The following CFAP61 variants were observed in gnomAD, a reference collection of about 807,000 sequenced individuals.
The protein encoded by CFAP61 is cilia and flagella associated protein 61.
A neutral mutation model predicts 135.6 loss-of-function variants in CFAP61; 107 were observed. The ratio of observed to expected loss-of-function variants is 0.79; its 90% CI spans 0.67 to 0.93. CFAP61 has a LOEUF of 0.93. Ranked by LOEUF, CFAP61 falls within the 40% of genes least tolerant of loss-of-function variation. The pLI is 0.00. For missense variants in CFAP61, 1,507 were observed against 1,556.2 expected (o/e 0.97, Z 0.53); for synonymous variants, 575 against 578.5 (o/e 0.99, Z 0.09).
In CFAP61 at chr20:20,345,883, C is replaced by CTTTT. The variant is rs756813997; in HGVS notation, c.3513+3988_3513+3991dup. On this transcript the variant is annotated intron_variant, in intron 26 of 26. Coordinates refer to ENST00000245957, the MANE Select transcript of CFAP61 (RefSeq NM_015585.4). ...GTTGTATTTAGCTGAGATTGTGCCACTTTTTTTTTTTTTTTTTTTTTTTTT... is the reference window on the plus strand; with the variant it reads ...GTTGTATTTAGCTGAGATTGTGCCACTTTTTTTTTTTTTTTTTTTTTTTTTTTTT... 4.5e-3 allele frequency among the ~76,000 whole-genome samples: 228 copies of CTTTT among 50,474 alleles called. 34 individuals carry two copies. Among genetic ancestry groups the CTTTT allele is most frequent in the South Asian group, 6.1e-3 (4 of 658 alleles). 33.1% of individuals were successfully genotyped at this position (50,474 alleles called of 152,430 possible).
At chr20:20,332,630 T>C (rs2122315267) in intron 25 of CFAP61, among the ~76,000 whole-genome samples, 1 of 152,324 alleles carries the variant, frequency 6.6e-6, no homozygotes, top group South Asian at 2.1e-4. Context: ...AATTCTTTTT[T>C]AAATTAAAAA....
intron 8 of CFAP61, among the ~76,000 whole-genome samples, chr20:20,117,248 G>A (rs2049214439): frequency 6.6e-6 from 1 of 152,154 alleles, no homozygotes; most frequent in South Asian, 2.1e-4. Flanking sequence ...GGAGGCTGAG[G>A]CAGGACAATC....
intron 6 of CFAP61, among the ~76,000 whole-genome samples, chr20:20,081,125 T>C (rs2046403361): frequency 6.6e-6 from 1 of 152,228 alleles, no homozygotes; most frequent in Non-Finnish European, 1.5e-5. Flanking sequence ...TTTAAATGAA[T>C]AAAATACTTG....
intron 6 of CFAP61, among the ~76,000 whole-genome samples, chr20:20,089,992 G>A (rs1479169163): frequency 6.6e-6 from 1 of 152,210 alleles, no homozygotes; most frequent in Non-Finnish European, 1.5e-5. Context: ...TCTTTAATAT[G>A]TAACTATGAA....
intron 8 of CFAP61, among the ~76,000 whole-genome samples, chr20:20,116,964 T>C (rs1343160413): frequency 2.0e-5 from 3 of 152,224 alleles, no homozygotes. Flanking sequence ...TTTGGCTTGC[T>C]AGTATTTTGC....
intron 8 of CFAP61, among the ~76,000 whole-genome samples, chr20:20,123,971 G>GTTTTTTTT (rs35528584): frequency 3.1e-5 from 2 of 65,268 alleles, no homozygotes; most frequent in Non-Finnish European, 5.7e-5. Context: ...ATATTCCTAA[G>GTTTTTTTT]TTTTTTTTTT....
chr20:20,174,723 G>T (rs1402974599), intron 13 of CFAP61, among the ~76,000 whole-genome samples: 6 of 151,338 alleles, frequency 4.0e-5, no homozygotes, highest in Non-Finnish European at 7.4e-5. Context: ...GATGAGAAGG[G>T]AGAGCAACCC....
intron 8 of CFAP61, among the ~76,000 whole-genome samples, chr20:20,113,993 G>A (rs1411752725): frequency 6.6e-6 from 1 of 150,732 alleles, no homozygotes; most frequent in African/African-American, 2.4e-5. Flanking sequence ...AAAAGCCTGG[G>A]TGCCATGGCT....
intron 6 of CFAP61, among the ~76,000 whole-genome samples, chr20:20,087,555 A>G (rs1334535858): frequency 1.3e-5 from 2 of 152,210 alleles, no homozygotes; most frequent in East Asian, 3.8e-4. Flanking sequence ...GGATGGAATG[A>G]CAGAGTTTCT....
At chr20:20,227,177 T>G (rs1306604772) in intron 17 of CFAP61, among the ~76,000 whole-genome samples, 1 of 152,242 alleles carries the variant, frequency 6.6e-6, no homozygotes, top group Non-Finnish European at 1.5e-5. Flanking sequence ...TTTACCATTA[T>G]TCTGTCAGAC....
At chr20:20,142,554 C>T (rs1433795703) in intron 8 of CFAP61, among the ~76,000 whole-genome samples, 3 of 152,204 alleles carry the variant, frequency 2.0e-5, no homozygotes, top group Non-Finnish European at 4.4e-5. Flanking sequence ...CCTCCTGTGG[C>T]CCAGGCCTGG....
At chr20:20,275,916 T>C (rs894652773) in intron 21 of CFAP61, among the ~76,000 whole-genome samples, 2 of 152,162 alleles carry the variant, frequency 1.3e-5, no homozygotes, top group African/African-American at 2.4e-5. Context: ...GAATGTTGCA[T>C]TGTAGCATCT....
intron 10 of CFAP61, among the ~76,000 whole-genome samples, chr20:20,159,781 G>A (rs978278484): frequency 6.6e-6 from 1 of 152,086 alleles, no homozygotes; most frequent in African/African-American, 2.4e-5. Flanking sequence ...ACATTTGTAA[G>A]AGTTTTCTCT....
intron 25 of CFAP61, among the ~76,000 whole-genome samples, chr20:20,315,012 C>T (rs34979045): frequency 0.21 from 17,503 of 84,344 alleles, 3,876 homozygotes; most frequent in African/African-American, 0.4. Flanking sequence ...TGCATGTGTC[C>T]TTATAGCAGC....
intron 17 of CFAP61, chr20:20,201,014 G>A: frequency 2.1e-6 from 2 of 934,464 alleles, no homozygotes; most frequent in South Asian, 4.9e-5. Flanking sequence ...TTATATGTGA[G>A]TAGAGACTGT....
chr20:20,254,843 T>C (rs934262236), intron 20 of CFAP61, among the ~76,000 whole-genome samples: 1 of 152,226 alleles, frequency 6.6e-6, no homozygotes, highest in Non-Finnish European at 1.5e-5. Flanking sequence ...TTGTGTAATG[T>C]TTTTAATATC....
intron 18 of CFAP61, among the ~76,000 whole-genome samples, chr20:20,237,191 A>G (rs1004058122): frequency 6.6e-6 from 1 of 152,116 alleles, no homozygotes. Context: ...TATCCTGGCC[A>G]CCATGCCCCT....
At chr20:20,324,685 A>G (rs893903663) in intron 25 of CFAP61, among the ~76,000 whole-genome samples, 1 of 152,246 alleles carries the variant, frequency 6.6e-6, no homozygotes, top group African/African-American at 2.4e-5. Flanking sequence ...ATTCCCACTA[A>G]CAGGACAGAA....
At chr20:20,169,247 G>C in intron 12 of CFAP61, 74 bp from the exon 13 acceptor site, 2 of 1,424,374 alleles carry the variant, frequency 1.4e-6, no homozygotes, top group South Asian at 2.8e-5. Flanking sequence ...TTTTCTTGGT[G>C]TTTTTTAGAG....
Sources: gnomAD v4.1 joint callset for allele counts (sites outside exome capture counted in the v4.1 genomes callset) on GRCh38, gnomAD v4.1.1 for gene constraint, MANE v1.5 for transcripts, NCBI Gene and HGNC (gene_info 2026-07-23, HGNC 2026-07-21) for gene names.